Variants in TSHR observed in about 807,000 individuals in gnomAD.
TSHR encodes the protein thyroid stimulating hormone receptor.
Under a neutral mutation model 64.1 loss-of-function variants are expected in TSHR, and 51 were observed. The observed-to-expected ratio is 0.80, with a 90% CI of 0.64 to 1.01. The LOEUF (loss-of-function observed/expected upper bound fraction) is 1.01, where lower values mean the gene tolerates loss of function less well. Among genes scored for constraint, TSHR ranks in the 50% least tolerant of loss-of-function variants. TSHR has a pLI of 0.00. For synonymous variants in TSHR, 361 were observed against 361.9 expected (o/e 1.00, Z 0.03); for missense variants, 877 against 942.8 (o/e 0.93, Z 0.91).
At chr14:81,068,213 TA>T (rs754632032) in intron 2 of TSHR, 40 bp from the exon 3 acceptor site, 18 of 1,592,170 alleles carry the variant, frequency 1.1e-5, no homozygotes, top group African/African-American at 1.3e-5. Flanking sequence ...TTTACAACCT[TA>T]CTAACTTTCT....
chr14:81,010,994 C>T (rs1236474222), intron 1 of TSHR, among the ~76,000 whole-genome samples: 1 of 152,158 alleles, frequency 6.6e-6, no homozygotes, highest in Non-Finnish European at 1.5e-5. Flanking sequence ...TTCATAGCTA[C>T]CAGAAAAACT....
At chr14:81,021,169 C>T (rs1052813666) in intron 1 of TSHR, among the ~76,000 whole-genome samples, 7 of 152,080 alleles carry the variant, frequency 4.6e-5, no homozygotes, top group Non-Finnish European at 1.0e-4. Context: ...CCCGACCCTG[C>T]CAGTCTATGG....
chr14:81,080,516 TA>T (rs1350377744), intron 3 of TSHR, among the ~76,000 whole-genome samples: 11 of 152,184 alleles, frequency 7.2e-5, no homozygotes, highest in Non-Finnish European at 1.5e-4. Context: ...CTGATAAATT[TA>T]AATTTTCTTC....
At chr14:81,139,603 T>C (rs981119972) in intron 8 of TSHR, 76 bp from the exon 9 acceptor site, 14 of 1,499,698 alleles carry the variant, frequency 9.3e-6, no homozygotes, top group Non-Finnish European at 1.3e-5. Flanking sequence ...TCAGGCCTGT[T>C]TGAGTTTCTG....
At chr14:81,034,448 G>A (rs775782978) in intron 1 of TSHR, among the ~76,000 whole-genome samples, 1 of 152,210 alleles carries the variant, frequency 6.6e-6, no homozygotes, top group Non-Finnish European at 1.5e-5. Context: ...GCAAAATAGT[G>A]AGAACTCATT....
chr14:81,118,666 G>GA (rs1202735501), intron 8 of TSHR, among the ~76,000 whole-genome samples: 1 of 152,074 alleles, frequency 6.6e-6, no homozygotes, highest in Non-Finnish European at 1.5e-5. Context: ...CACAGAATTG[G>GA]AAAAAAACTA....
chr14:81,116,080 CA>C (rs1890493282), intron 8 of TSHR, among the ~76,000 whole-genome samples: 1 of 151,896 alleles, frequency 6.6e-6, no homozygotes, highest in South Asian at 2.1e-4. Context: ...AAAATCATGC[CA>C]AAATGTAAAG....
intron 1 of TSHR, among the ~76,000 whole-genome samples, chr14:81,007,518 G>A (rs1889664482): frequency 6.6e-6 from 1 of 152,126 alleles, no homozygotes; most frequent in African/African-American, 2.4e-5. Flanking sequence ...AGACCAGCAA[G>A]GTGAAATGTC....
intron 1 of TSHR, among the ~76,000 whole-genome samples, chr14:81,015,456 T>C (rs1412904698): frequency 6.6e-6 from 1 of 152,222 alleles, no homozygotes; most frequent in African/African-American, 2.4e-5. Flanking sequence ...ATACGTGTTC[T>C]AAATCCAGCA....
chr14:81,137,951 T>C (rs1483434490), intron 8 of TSHR, among the ~76,000 whole-genome samples: 1 of 152,090 alleles, frequency 6.6e-6, no homozygotes, highest in Non-Finnish European at 1.5e-5. Context: ...AAAGCTGGAA[T>C]TGAAAGATGG....
intron 1 of TSHR, among the ~76,000 whole-genome samples, chr14:80,965,848 T>A (rs1055010367): frequency 6.6e-6 from 1 of 152,254 alleles, no homozygotes; most frequent in Non-Finnish European, 1.5e-5. Context: ...CTTATAAATA[T>A]TGTTCTCTTA....
chr14:81,020,738 TTGA>T (rs1317781645), intron 1 of TSHR, among the ~76,000 whole-genome samples: 2 of 152,178 alleles, frequency 1.3e-5, no homozygotes, highest in Non-Finnish European at 2.9e-5. Context: ...GGCAAGTGAG[TTGA>T]TGTACTTCAA....
chr14:80,995,293 G>A (rs1271646729), intron 1 of TSHR: 1 of 152,068 alleles, frequency 6.6e-6, no homozygotes, highest in Non-Finnish European at 1.5e-5. Context: ...AAGACCTAAA[G>A]ACAGAAATAC....
At chr14:81,107,375 A>G (rs930544197) in intron 7 of TSHR, among the ~76,000 whole-genome samples, 3 of 152,182 alleles carry the variant, frequency 2.0e-5, no homozygotes, top group East Asian at 3.8e-4. Context: ...TAAGTGGACC[A>G]GGTTATGTTG....
At chr14:81,019,060 A>C (rs1238301125) in intron 1 of TSHR, among the ~76,000 whole-genome samples, 1 of 152,208 alleles carries the variant, frequency 6.6e-6, no homozygotes, top group Non-Finnish European at 1.5e-5. Context: ...TTTTTAAGCA[A>C]TTGTAACAGA....
intron 1 of TSHR, chr14:80,983,160 C>T (rs1459338836): frequency 1.0e-6 from 1 of 962,338 alleles, no homozygotes; most frequent in East Asian, 2.5e-5. Flanking sequence ...AGTAATTACT[C>T]TGAATCCTCC....
intron 3 of TSHR, among the ~76,000 whole-genome samples, chr14:81,079,297 T>C (rs138792396): frequency 1.9e-3 from 282 of 152,310 alleles, no homozygotes; most frequent in African/African-American, 6.2e-3. Flanking sequence ...TTACTCCTAA[T>C]AATAATAGTG....
intron 1 of TSHR, among the ~76,000 whole-genome samples, chr14:80,986,319 TAGATAG>T: frequency 6.6e-6 from 1 of 152,204 alleles, no homozygotes; most frequent in Non-Finnish European, 1.5e-5. Flanking sequence ...TAGAGAGAGA[TAGATAG>T]AGATAGAGAT....
chr14:81,007,756 G>C (rs1889676915), intron 1 of TSHR, among the ~76,000 whole-genome samples: 1 of 152,166 alleles, frequency 6.6e-6, no homozygotes, highest in Non-Finnish European at 1.5e-5. Flanking sequence ...CCATTTCTAA[G>C]TCATCTCTAG....
Sources: gnomAD v4.1 joint callset for allele counts (sites outside exome capture counted in the v4.1 genomes callset) on GRCh38, gnomAD v4.1.1 for gene constraint, MANE v1.5 for transcripts, NCBI Gene and HGNC (gene_info 2026-07-23, HGNC 2026-07-21) for gene names.